Variants in HECW1 observed in about 807,000 individuals in gnomAD.
HECW1 encodes HECT, C2 and WW domain containing E3 ubiquitin protein ligase 1, also known as E3 ubiquitin-protein ligase HECW1.
In HECW1, 61 loss-of-function variants were observed where a neutral mutation model predicts 182.3. The observed-to-expected ratio is 0.33, with a 90% CI of 0.27 to 0.41. The LOEUF (loss-of-function observed/expected upper bound fraction) is 0.41. Among genes scored for constraint, HECW1 ranks in the 10% least tolerant of loss-of-function variants. The pLI is 1.00. For missense variants in HECW1, 1,739 were observed against 2,108.9 expected (o/e 0.82, Z 3.44); for synonymous variants, 859 against 832.6 (o/e 1.03, Z -0.55).
chr7:43,473,516 A>C (rs2078102683), intron 16 of HECW1, among the ~76,000 whole-genome samples: 1 of 152,238 alleles, frequency 6.6e-6, no homozygotes, highest in African/African-American at 2.4e-5. Context: ...TTGTTGTTAA[A>C]ATGCTTTAAA....
intron 5 of HECW1, among the ~76,000 whole-genome samples, chr7:43,354,252 T>C (rs1814825401): frequency 6.8e-6 from 1 of 147,908 alleles, no homozygotes; most frequent in Admixed American, 6.7e-5. Flanking sequence ...TGCAAAGACA[T>C]AGCTGTATAT....
At chr7:43,264,565 G>A (rs1801529920) in intron 3 of HECW1, among the ~76,000 whole-genome samples, 1 of 152,070 alleles carries the variant, frequency 6.6e-6, no homozygotes, top group African/African-American at 2.4e-5. Context: ...ACTATTGTCA[G>A]CCAGGCGCGG....
At chr7:43,504,022 C>A (rs2079476879) in intron 21 of HECW1, among the ~76,000 whole-genome samples, 1 of 152,162 alleles carries the variant, frequency 6.6e-6, no homozygotes, top group South Asian at 2.1e-4. Context: ...GGCCCCAACG[C>A]TTCCTTGCTT....
At chr7:43,467,882 G>A (rs1031929420) in intron 15 of HECW1, among the ~76,000 whole-genome samples, 2 of 152,150 alleles carry the variant, frequency 1.3e-5, no homozygotes, top group African/African-American at 4.8e-5. Context: ...CTGCAAAGGG[G>A]GGGATCAGTT....
At chr7:43,218,168 T>C (rs1323417382) in intron 2 of HECW1, among the ~76,000 whole-genome samples, 4 of 152,228 alleles carry the variant, frequency 2.6e-5, no homozygotes, top group Non-Finnish European at 5.9e-5. Context: ...TATTTTTAAC[T>C]TAAAAAATCA....
At chr7:43,480,195 A>G (rs980816042) in intron 17 of HECW1, among the ~76,000 whole-genome samples, 25 of 152,234 alleles carry the variant, frequency 1.6e-4, no homozygotes, top group African/African-American at 5.8e-4. Flanking sequence ...TAACCAGGCC[A>G]CAGGAAGTGG....
chr7:43,162,681 T>C (rs1024616561), intron 2 of HECW1, among the ~76,000 whole-genome samples: 10 of 152,318 alleles, frequency 6.6e-5, no homozygotes, highest in East Asian at 3.9e-4. Flanking sequence ...GGAGATTCCA[T>C]AGGGAGAAAA....
chr7:43,138,126 C>G (rs1266619851), intron 2 of HECW1, among the ~76,000 whole-genome samples: 1 of 152,064 alleles, frequency 6.6e-6, no homozygotes, highest in Non-Finnish European at 1.5e-5. Context: ...ATTTTTTTCT[C>G]TAGCTGTAAA....
At chr7:43,398,388 C>T (rs1225718929) in intron 7 of HECW1, among the ~76,000 whole-genome samples, 1 of 152,202 alleles carries the variant, frequency 6.6e-6, no homozygotes, top group Non-Finnish European at 1.5e-5. Context: ...GGGGACACAG[C>T]GGCATAAAGC....
At chr7:43,214,531 G>A (rs945566958) in intron 2 of HECW1, among the ~76,000 whole-genome samples, 2 of 152,084 alleles carry the variant, frequency 1.3e-5, no homozygotes, top group Non-Finnish European at 2.9e-5. Context: ...AATTTAGATG[G>A]CAACGCTACT....
intron 6 of HECW1, among the ~76,000 whole-genome samples, chr7:43,387,503 C>T (rs1190280769): frequency 6.6e-6 from 1 of 152,200 alleles, no homozygotes; most frequent in East Asian, 1.9e-4. Flanking sequence ...GAAACAGGAC[C>T]ATCCATCTTC....
At chr7:43,544,377 A>G (rs928134614) in intron 26 of HECW1, among the ~76,000 whole-genome samples, 2 of 152,258 alleles carry the variant, frequency 1.3e-5, no homozygotes, top group African/African-American at 2.4e-5. Context: ...ACAAGGAGAT[A>G]ATCTCATTTA....
intron 2 of HECW1, among the ~76,000 whole-genome samples, chr7:43,160,369 TTA>T (rs1270718398): frequency 6.6e-6 from 1 of 152,228 alleles, no homozygotes; most frequent in Non-Finnish European, 1.5e-5. Context: ...TTGTTGTGGT[TTA>T]GTCTTGCGGT....
intron 2 of HECW1, chr7:43,194,412 C>T (rs1794229536): frequency 6.6e-6 from 1 of 152,044 alleles, no homozygotes; most frequent in African/African-American, 2.4e-5. Flanking sequence ...GTATGAAGAA[C>T]CATAAAGCTA....
At chr7:43,458,143 A>G (rs944799313) in intron 13 of HECW1, among the ~76,000 whole-genome samples, 6 of 152,232 alleles carry the variant, frequency 3.9e-5, no homozygotes, top group African/African-American at 9.6e-5. Context: ...TGTAGAAGAC[A>G]CAGTAAGCTC....
intron 4 of HECW1, among the ~76,000 whole-genome samples, chr7:43,318,142 T>C (rs1293288200): frequency 3.3e-5 from 5 of 152,162 alleles, no homozygotes; most frequent in Non-Finnish European, 5.9e-5. Flanking sequence ...CCAGGTGTTA[T>C]TGTCTATAAA....
chr7:43,277,155 T>A (rs1370824249), intron 3 of HECW1, among the ~76,000 whole-genome samples: 1 of 152,154 alleles, frequency 6.6e-6, no homozygotes, highest in Non-Finnish European at 1.5e-5. Flanking sequence ...TTAGGTAAAA[T>A]GTGAAGATGA....
chr7:43,349,067 T>C (rs1021484260), intron 5 of HECW1, among the ~76,000 whole-genome samples: 6 of 152,148 alleles, frequency 3.9e-5, no homozygotes, highest in Admixed American at 3.9e-4. Flanking sequence ...GGAATTTTGC[T>C]CTGGTTGCCC....
intron 3 of HECW1, among the ~76,000 whole-genome samples, chr7:43,270,252 C>T (rs767107337): frequency 1.3e-5 from 2 of 152,184 alleles, no homozygotes; most frequent in Non-Finnish European, 2.9e-5. Context: ...GTTTAGACTT[C>T]GGATCTCTTA....
Sources: gnomAD v4.1 joint callset for allele counts (sites outside exome capture counted in the v4.1 genomes callset) on GRCh38, gnomAD v4.1.1 for gene constraint, MANE v1.5 for transcripts, NCBI Gene and HGNC (gene_info 2026-07-23, HGNC 2026-07-21) for gene names.